The following ADGRB3 variants were observed in gnomAD, a reference collection of about 807,000 sequenced individuals.
ADGRB3 encodes the protein brain-specific angiogenesis inhibitor 3.
In ADGRB3, 37 loss-of-function variants were observed where a neutral mutation model predicts 193.4. The ratio of observed to expected loss-of-function variants is 0.19; its 90% confidence interval spans 0.15 to 0.25. ADGRB3 has a LOEUF of 0.25. Among genes scored for constraint, ADGRB3 ranks in the 10% least tolerant of loss-of-function variants. The pLI, the probability that ADGRB3 is intolerant of heterozygous loss-of-function variation, is 1.00. For synonymous variants in ADGRB3, 690 were observed against 644.2 expected, an observed-to-expected ratio of 1.07 and a Z score of -1.08; for missense variants, 1,637 against 1,852.9, an observed-to-expected ratio of 0.88 and a Z score of 2.14.
intron 17 of ADGRB3, among the ~76,000 whole-genome samples, chr6:69,222,918 A>T (rs1765929000): frequency 6.6e-6 from 1 of 152,150 alleles, no homozygotes; most frequent in Non-Finnish European, 1.5e-5. Flanking sequence ...TGAACCACTT[A>T]GTTTAAGGTG....
At chr6:69,200,880 A>G (rs958016750) in intron 17 of ADGRB3, among the ~76,000 whole-genome samples, 1 of 152,186 alleles carries the variant, frequency 6.6e-6, no homozygotes, top group African/African-American at 2.4e-5. Flanking sequence ...TGACACTGCT[A>G]GAACCATTAT....
At position 68,700,774 on chromosome 6, in the gene ADGRB3, G is replaced by A. The variant is rs529308999; in HGVS notation, c.757+61342G>A. Among the ~76,000 whole-genome samples, 176 of 136,250 alleles carry A rather than the reference G, an allele frequency of 1.3e-3. 8 individuals carry two copies. The Admixed American group carries it at 0.015, about 12-fold the overall frequency. 89.4% of individuals were successfully genotyped at this position (136,250 alleles called of 152,430 possible). On this transcript the variant is annotated intron_variant, in intron 3 of 31. Transcript: ENST00000370598. The stretch of plus-strand genomic sequence containing the variant: ...CTCACAGGTGGGAATTGAACAATGA[G>A]AACACTTGGACACAAGAAGGGGAAC...
rs544423808 is a variant in ADGRB3, at chr6:69,365,997, T to C, written c.4239+4485T>C. ...TCTGCAAAGAAATTTGAATGCTGAG[T>C]TAAATCGATATTCACAATATTAGAA... On this transcript the variant is annotated intron_variant, in intron 29 of 31. Coordinates refer to ENST00000370598, the MANE Select transcript of ADGRB3 (RefSeq NM_001704.3). Among the ~76,000 whole-genome samples, 4 of 152,236 alleles carry C rather than the reference T, an allele frequency of 2.6e-5. No individual in the cohort carries two copies. In the East Asian group the frequency reaches 7.7e-4, roughly 29 times the overall value.
At chr6:68,814,279 C>G (rs932920174) in intron 3 of ADGRB3, among the ~76,000 whole-genome samples, 23 of 152,090 alleles carry the variant, frequency 1.5e-4, no homozygotes, top group Non-Finnish European at 2.5e-4. Flanking sequence ...TCTCATTGTG[C>G]TTTTGATTTG....
intron 3 of ADGRB3, among the ~76,000 whole-genome samples, chr6:68,710,319 C>T (rs1765388856): frequency 6.6e-6 from 1 of 152,118 alleles, no homozygotes; most frequent in South Asian, 2.1e-4. Flanking sequence ...TTTCTGTTTT[C>T]CTTCCCTCCG....
chr6:68,876,801 A>C (rs1237985863), intron 3 of ADGRB3, among the ~76,000 whole-genome samples: 1 of 152,094 alleles, frequency 6.6e-6, no homozygotes, highest in African/African-American at 2.4e-5. Context: ...TCTGCAAAAT[A>C]TTTACAAACT....
chr6:68,639,274 A>G lies in ADGRB3; in HGVS notation c.599A>G (p.Gln200Arg). 1 of 1,614,184 alleles carries G rather than the reference A, an allele frequency of 6.2e-7. No homozygotes were observed. The highest frequency in any genetic ancestry group is 8.5e-7 in the Non-Finnish European group (1 of 1,180,032). ...GIMYTKCTCPQHLGEWGIDDQ... is the reference protein window; with the variant it reads ...GIMYTKCTCPRHLGEWGIDDQ... ...ATGTATACAAAATGCACCTGCCCTC[A>G]GCATTTGGGAGAGTGGGGGATCGAC... Residue 200 changes from glutamine to arginine, a missense_variant, in exon 3 of 32, where the codon CAG (glutamine) becomes CGG (arginine). By Grantham distance (43) the Gln-to-Arg change is conservative (BLOSUM62 1). Around this residue, in one of 7 missense-constraint regions of ADGRB3, gnomAD observed 365 missense variants for 409.8 expected, o/e 0.89. Transcript: ENST00000370598.
intron 3 of ADGRB3, among the ~76,000 whole-genome samples, chr6:68,797,697 T>C (rs1767237684): frequency 6.6e-6 from 1 of 152,178 alleles, no homozygotes; most frequent in South Asian, 2.1e-4. Flanking sequence ...CACCAAATGC[T>C]TCTTTTTTCT....
chr6:69,353,160 A>G (rs1257967362), intron 26 of ADGRB3, among the ~76,000 whole-genome samples: 1 of 151,068 alleles, frequency 6.6e-6, no homozygotes, highest in Non-Finnish European at 1.5e-5. Flanking sequence ...CAGAATAACT[A>G]TCAATTGCTT....
chr6:69,331,900 G>A, intron 23 of ADGRB3: 1 of 985,208 alleles, frequency 1.0e-6, no homozygotes, highest in Non-Finnish European at 1.2e-6. Flanking sequence ...TCTTGATTAA[G>A]TGGTATCTTG....
intron 3 of ADGRB3, among the ~76,000 whole-genome samples, chr6:68,748,486 A>G (rs552728949): frequency 1.1e-4 from 16 of 152,204 alleles, no homozygotes; most frequent in Non-Finnish European, 2.1e-4. Flanking sequence ...TAAAGCTCCA[A>G]AACAATCTCC....
intron 17 of ADGRB3, among the ~76,000 whole-genome samples, chr6:69,211,339 A>T (rs1765663215): frequency 6.6e-6 from 1 of 152,148 alleles, no homozygotes; most frequent in African/African-American, 2.4e-5. Context: ...ATGCAGTGGA[A>T]TATCATACAA....
intron 17 of ADGRB3, among the ~76,000 whole-genome samples, chr6:69,097,308 T>C (rs1303172796): frequency 6.6e-6 from 1 of 152,200 alleles, no homozygotes; most frequent in East Asian, 1.9e-4. Context: ...AATGAACAGC[T>C]CTAAGCCACA....
intron 3 of ADGRB3, among the ~76,000 whole-genome samples, chr6:68,905,948 T>C (rs532088323): frequency 4.0e-5 from 6 of 151,882 alleles, no homozygotes; most frequent in African/African-American, 1.2e-4. Context: ...ACCACCAATT[T>C]TGTTAAAAAA....
chr6:69,166,884 C>G (rs188955520), intron 17 of ADGRB3, among the ~76,000 whole-genome samples: 3 of 152,218 alleles, frequency 2.0e-5, no homozygotes, highest in African/African-American at 7.2e-5. Flanking sequence ...CCCTAGCTTT[C>G]TCTTTTCTAT....
At chr6:69,238,902 A>G (rs1268963349) in intron 19 of ADGRB3, among the ~76,000 whole-genome samples, 1 of 152,050 alleles carries the variant, frequency 6.6e-6, no homozygotes, top group East Asian at 1.9e-4. Context: ...GTCTAAGAAA[A>G]AAAAATTCTA....
chr6:68,858,498 C>CAAAA (rs11435140), intron 3 of ADGRB3, among the ~76,000 whole-genome samples: 28 of 76,714 alleles, frequency 3.6e-4, no homozygotes, highest in Admixed American at 1.2e-3. Context: ...TGCAACACTC[C>CAAAA]AAAAAAAAAA....
At chr6:69,197,138 A>G (rs947348015) in intron 17 of ADGRB3, among the ~76,000 whole-genome samples, 8 of 151,968 alleles carry the variant, frequency 5.3e-5, no homozygotes, top group African/African-American at 1.7e-4. Context: ...GGCAAGACAA[A>G]AGGTTTTTTA....
At chr6:68,874,448 A>T (rs1321984440) in intron 3 of ADGRB3, among the ~76,000 whole-genome samples, 1 of 152,148 alleles carries the variant, frequency 6.6e-6, no homozygotes, top group Non-Finnish European at 1.5e-5. Context: ...CTTTTATCAA[A>T]GGGCATTTAG....
Sources: gnomAD v4.1 joint callset for allele counts (sites outside exome capture counted in the v4.1 genomes callset) on GRCh38, gnomAD v4.1.1 for gene constraint, gnomAD v4.1.1 regional missense constraint, MANE v1.5 for transcripts, NCBI Gene and HGNC (gene_info 2026-07-23, HGNC 2026-07-21) for gene names.